RREB1: variants seen among roughly 807,000 people sequenced by gnomAD.
RREB1 encodes ras responsive element binding protein 1.
Under a neutral mutation model 117.8 loss-of-function variants are expected in RREB1, and 27 were observed. That is an observed-to-expected ratio of 0.23 (90% CI 0.17 to 0.32). The LOEUF is 0.32. Among genes scored for constraint, RREB1 ranks in the 10% least tolerant of loss-of-function variants. The pLI is 1.00. For synonymous variants in RREB1, 1,298 were observed against 1,026.7 expected (o/e 1.26, Z -5.05); for missense variants, 2,577 against 2,378.2 (o/e 1.08, Z -1.74).
chr6:7,156,255 C>A (rs79601563), intron 1 of RREB1, among the ~76,000 whole-genome samples: 1 of 152,196 alleles, frequency 6.6e-6, no homozygotes, highest in East Asian at 1.9e-4. Context: ...CACTTCCTTT[C>A]CCTTCATCAC....
rs1769304736 is a variant in RREB1 at position 7,249,203 on chromosome 6, G to A, written c.*235G>A. 19 of 478,648 alleles carry A rather than the reference G, an allele frequency of 4.0e-5. No individual in the cohort carries two copies. The highest frequency in any genetic ancestry group is 5.2e-4 in the Middle Eastern group (1 of 1,938). 29.7% of individuals were successfully genotyped at this position (478,648 alleles called of 1,614,324 possible). A position where few individuals can be genotyped will look rare whatever the true frequency, so the allele number is the denominator to read the frequency against. On this transcript the variant is annotated 3_prime_UTR_variant, in exon 13 of 13. Coordinates refer to ENST00000379938, the MANE Select transcript of RREB1 (RefSeq NM_001003699.4). ...GATTCCAGTGCCTTAACTACTTACCGGATCCCTCCATATTATCATGGGTGT... is the reference window on the plus strand; with the variant it reads ...GATTCCAGTGCCTTAACTACTTACCAGATCCCTCCATATTATCATGGGTGT...
intron 1 of RREB1, among the ~76,000 whole-genome samples, chr6:7,115,741 A>G (rs114487809): frequency 2.0e-5 from 3 of 151,868 alleles, no homozygotes; most frequent in African/African-American, 7.3e-5. Context: ...TCCATTTACA[A>G]CTTCTCCCAA....
At chr6:7,211,320 G>GTGGA (rs1766576830) in intron 7 of RREB1, among the ~76,000 whole-genome samples, 4 of 93,860 alleles carry the variant, frequency 4.3e-5, no homozygotes, top group African/African-American at 1.2e-4. Flanking sequence ...GGGAGGGTGG[G>GTGGA]TGGATGGATG....
intron 4 of RREB1, chr6:7,183,441 GA>G (rs1396286970): frequency 6.6e-6 from 1 of 152,278 alleles, no homozygotes; most frequent in Admixed American, 6.5e-5. Context: ...GGCATTTCGG[GA>G]AGAATAAGAC....
chr6:7,180,624 A>G (rs1413594612), intron 2 of RREB1, among the ~76,000 whole-genome samples: 4 of 152,218 alleles, frequency 2.6e-5, no homozygotes, highest in Admixed American at 1.3e-4. Context: ...CTGAAAAAGT[A>G]AATTGTGACA....
At chr6:7,163,145 AGC>A in intron 1 of RREB1, among the ~76,000 whole-genome samples, 1 of 152,354 alleles carries the variant, frequency 6.6e-6, no homozygotes, top group Middle Eastern at 3.4e-3. Context: ...ATGAGAGCAG[AGC>A]GTTAAAGTTT....
chr6:7,194,498 C>T (rs545743690), intron 6 of RREB1, among the ~76,000 whole-genome samples: 1 of 152,266 alleles, frequency 6.6e-6, no homozygotes, highest in East Asian at 1.9e-4. Context: ...TTGCAGTGAG[C>T]CGAGATCTTG....
intron 1 of RREB1, among the ~76,000 whole-genome samples, chr6:7,138,035 AAG>A (rs1454052546): frequency 6.6e-6 from 1 of 152,166 alleles, no homozygotes; most frequent in African/African-American, 2.4e-5. Flanking sequence ...TCACTGCAAA[AAG>A]CATTAGTTAA....
chr6:7,225,239 A>T (rs575706621), intron 8 of RREB1, among the ~76,000 whole-genome samples: 1 of 152,362 alleles, frequency 6.6e-6, no homozygotes, highest in South Asian at 2.1e-4. Flanking sequence ...GCTTGCACAC[A>T]TAAATACATG....
At chr6:7,217,284 C>T (rs6931262) in intron 8 of RREB1, 15,543 of 152,238 alleles carry the variant, frequency 0.1, 1,606 homozygotes, top group African/African-American at 0.25. Context: ...AGCATGAAAT[C>T]CCTTTTGAGA....
chr6:7,226,785 A>G, intron 9 of RREB1, 129 bp downstream of exon 9: 1 of 732,208 alleles, frequency 1.4e-6, no homozygotes. Flanking sequence ...TTTTTTTGTA[A>G]CACCTTTTTT....
intron 2 of RREB1, 56 bp from the exon 3 acceptor site, chr6:7,181,068 G>GT (rs1473371809): frequency 2.5e-6 from 1 of 397,258 alleles, no homozygotes; most frequent in Non-Finnish European, 4.4e-6. Context: ...AATGATTTCA[G>GT]TTTTTTCTTC....
In RREB1 at chr6:7,211,338, AGATGGATGGATGGATG is replaced by A. The variant is rs555086914; in HGVS notation, c.571-197_571-182del. Among the ~76,000 whole-genome samples, 683 of 118,670 alleles carry A rather than the reference AGATGGATGGATGGATG, an allele frequency of 5.8e-3. 8 individuals are homozygous for A. The highest frequency in any genetic ancestry group is 0.02 in the African/African-American group (593 of 30,156). 77.9% of individuals were successfully genotyped at this position (118,670 alleles called of 152,430 possible). On this transcript the variant is annotated intron_variant, in intron 7 of 12. Coordinates refer to ENST00000379938, the MANE Select transcript of RREB1 (RefSeq NM_001003699.4). ...AGGGTGGGTGGATGGATGGATGGAC[AGATGGATGGATGGATG>A]GATGGATGGATGGATGGATGGATGG...
intron 8 of RREB1, chr6:7,212,029 C>A: frequency 3.1e-6 from 1 of 321,802 alleles, no homozygotes; most frequent in Non-Finnish European, 5.9e-6. Flanking sequence ...AGATTTTCTT[C>A]GCAAAAGATG....
chr6:7,222,015 C>T (rs1026541464), intron 8 of RREB1, among the ~76,000 whole-genome samples: 6 of 152,088 alleles, frequency 3.9e-5, no homozygotes, highest in African/African-American at 9.7e-5. Context: ...CAGAGATCCC[C>T]CCGTTTTAGA....
chr6:7,142,683 C>T (rs778268169), intron 1 of RREB1, among the ~76,000 whole-genome samples: 2 of 152,250 alleles, frequency 1.3e-5, no homozygotes, highest in Non-Finnish European at 2.9e-5. Flanking sequence ...CTTACCAAGC[C>T]AGGGCACTGA....
At chr6:7,225,624 C>G (rs1767538533) in intron 8 of RREB1, among the ~76,000 whole-genome samples, 1 of 152,154 alleles carries the variant, frequency 6.6e-6, no homozygotes, top group Non-Finnish European at 1.5e-5. Context: ...CAAAGATCAT[C>G]TCTGAAATGA....
chr6:7,192,586 A>C (rs1222850382), intron 6 of RREB1, among the ~76,000 whole-genome samples: 1 of 152,226 alleles, frequency 6.6e-6, no homozygotes, highest in Non-Finnish European at 1.5e-5. Flanking sequence ...GTTGGCATAC[A>C]ATAACTCATA....
chr6:7,240,679 TCCGAGCTGTGGAGGGG>T (rs1768652238), intron 11 of RREB1, 77 bp downstream of exon 11: 8 of 1,386,666 alleles, frequency 5.8e-6, no homozygotes, highest in Non-Finnish European at 8.0e-6. Flanking sequence ...CAAACTCCAG[TCCGAGCTGTGGAGGGG>T]CTGCTTGTTC....
Sources: allele counts gnomAD v4.1 joint callset (sites outside exome capture counted in the v4.1 genomes callset), GRCh38; gene constraint gnomAD v4.1.1; transcripts MANE v1.5; gene names NCBI Gene and HGNC (gene_info 2026-07-23, HGNC 2026-07-21).